AAK1: variants seen among roughly 807,000 people sequenced by gnomAD.
The protein encoded by AAK1 is AP2-associated protein kinase 1.
A neutral mutation model predicts 116.0 loss-of-function variants in AAK1; 37 were observed. The observed-to-expected ratio is 0.32, with a 90% CI of 0.25 to 0.42. AAK1 has a LOEUF of 0.42. Among genes scored for constraint, AAK1 ranks in the 10% least tolerant of loss-of-function variants. AAK1 has a pLI of 1.00. For synonymous variants in AAK1, 458 were observed against 439.9 expected, an observed-to-expected ratio of 1.04 and a Z score of -0.51; for missense variants, 919 against 1,170.6, an observed-to-expected ratio of 0.79 and a Z score of 3.14.
rs75381654 is a variant in AAK1, at chr2:69,519,187, C to T, written c.1264G>A (p.Ala422Thr). ...LASVPQPKPQAPPSQPLPQTQ... is the reference protein window; with the variant it reads ...LASVPQPKPQTPPSQPLPQTQ... ...TGCGGCAGAGGCTGGCTGGGTGGGG[C>T]TTGGGGTTTTGGTTGGGGAACACTG... is the stretch of plus-strand genomic sequence containing the variant. The change falls in exon 12 of 22, where the codon GCC becomes ACC. Residue 422 changes from alanine (A) to threonine (T), a missense_variant. Ala to Thr is a moderately conservative substitution (Grantham distance 58). Transcript: ENST00000409085. The T allele has an allele frequency of 1.9e-6, 3 of 1,587,976 alleles. No homozygotes were observed. In the South Asian group the frequency reaches 3.5e-5, roughly 18 times the overall value.
At chr2:69,635,302 G>A (rs184621961) in intron 2 of AAK1, among the ~76,000 whole-genome samples, 21 of 152,304 alleles carry the variant, frequency 1.4e-4, no homozygotes, top group East Asian at 5.8e-4. Context: ...AACAAGTGTC[G>A]GTGAGAATGA....
intron 2 of AAK1, among the ~76,000 whole-genome samples, chr2:69,609,428 T>A (rs1673961186): frequency 6.6e-6 from 1 of 151,280 alleles, no homozygotes; most frequent in Non-Finnish European, 1.5e-5. Context: ...AGGCCTGTAA[T>A]CCCAGCATTT....
Position 69,471,114 on chromosome 2 carries a change from C to T in AAK1, c.*4755G>A. The T allele has an allele frequency of 2.0e-6, 2 of 985,754 alleles. No individual in the cohort carries two copies. The highest frequency in any genetic ancestry group is 1.2e-6 in the Non-Finnish European group (1 of 829,938). 61.1% of individuals were successfully genotyped at this position (985,754 alleles called of 1,614,324 possible). ...TTAAAGACCTATGATAAACACACAT[C>T]CACATGACAAAGGAGAGTGCAATAG... On this transcript the variant is annotated 3_prime_UTR_variant, in exon 22 of 22. Transcript: ENST00000409085.
chr2:69,574,714 T>C (rs1672231901), intron 2 of AAK1, among the ~76,000 whole-genome samples: 1 of 152,168 alleles, frequency 6.6e-6, no homozygotes, highest in African/African-American at 2.4e-5. Flanking sequence ...CTCATGCCCA[T>C]AATCCCAGTA....
chr2:69,471,559 A>T lies in AAK1; in HGVS notation c.*4310T>A. The T allele has an allele frequency of 1.0e-6, 1 of 985,436 alleles. No homozygotes were observed. Among genetic ancestry groups the T allele is most frequent in the Non-Finnish European group, 1.2e-6 (1 of 829,936 alleles). The allele number at this position is 985,436 out of a possible 1,614,324, so 61.0% of individuals were successfully genotyped here. On this transcript the variant is annotated 3_prime_UTR_variant, in exon 22 of 22. Transcript: ENST00000409085. Reference sequence around the variant, plus strand: ...TGCCAGGCAGCCTCTAATTTGCTTAACCCGGCACACTGGGCAATCCTGTCA... The same window carrying T: ...TGCCAGGCAGCCTCTAATTTGCTTATCCCGGCACACTGGGCAATCCTGTCA...
chr2:69,482,864 A>C (rs746831931), intron 17 of AAK1, 52 bp from the exon 18 acceptor site: 3 of 1,126,986 alleles, frequency 2.7e-6, no homozygotes, highest in African/African-American at 1.5e-5. Context: ...AAGATATTAA[A>C]GCCAGCGGAT....
intron 3 of AAK1, 51 bp downstream of exon 3, chr2:69,556,809 A>C (rs1196773553): frequency 7.0e-7 from 1 of 1,424,604 alleles, no homozygotes; most frequent in African/African-American, 1.4e-5. Flanking sequence ...ATGAGAGGGT[A>C]CAATCTCTGC....
intron 2 of AAK1, among the ~76,000 whole-genome samples, chr2:69,629,548 T>G (rs372838309): frequency 1.3e-5 from 2 of 152,338 alleles, no homozygotes; most frequent in South Asian, 2.1e-4. Context: ...TTACTGAAAC[T>G]CTATAAGATT....
intron 18 of AAK1, 44 bp from the exon 19 acceptor site, chr2:69,481,005 G>A (rs1334068263): frequency 1.4e-6 from 2 of 1,435,356 alleles, no homozygotes; most frequent in South Asian, 2.6e-5. Context: ...TAAGGGAAAG[G>A]GAGTCAGAAG....
In AAK1 at chr2:69,468,653, A is replaced by C. The variant is rs1674571168; in HGVS notation, c.*7216T>G. On this transcript the variant is annotated 3_prime_UTR_variant, in exon 22 of 22. Transcript: ENST00000409085. The stretch of plus-strand genomic sequence containing the variant: ...AGAGTCAGTGTTTTTTGGAAATTTA[A>C]ACTGAATTCAGTTAAAACAATTTGT... 5.1e-6 allele frequency: 5 copies of C among 985,474 alleles called. No homozygotes were observed. Among genetic ancestry groups the C allele is most frequent in the Non-Finnish European group, 6.0e-6 (5 of 829,944 alleles). The allele number at this position is 985,474 out of a possible 1,614,324, so 61.0% of individuals were successfully genotyped here. A position where few individuals can be genotyped will look rare whatever the true frequency, so the allele number is the denominator to read the frequency against.
intron 17 of AAK1, among the ~76,000 whole-genome samples, chr2:69,494,071 C>A (rs1342533586): frequency 6.6e-6 from 1 of 152,174 alleles, no homozygotes; most frequent in Non-Finnish European, 1.5e-5. Flanking sequence ...ATGTTTTCAA[C>A]AGATGAGTCT....
At chr2:69,551,914 T>G (rs921476917) in intron 3 of AAK1, among the ~76,000 whole-genome samples, 11 of 152,262 alleles carry the variant, frequency 7.2e-5, no homozygotes, top group African/African-American at 2.4e-4. Flanking sequence ...TCTTTGCGTT[T>G]GGATGCAACG....
chr2:69,574,349 G>C (rs1220969322), intron 2 of AAK1, among the ~76,000 whole-genome samples: 1 of 126,236 alleles, frequency 7.9e-6, no homozygotes, highest in Non-Finnish European at 1.6e-5. Context: ...CTGCACTTCA[G>C]ACTAGGTGAC....
At position 69,482,642 on chromosome 2, in the gene AAK1, G is replaced by C. The variant is rs10211601; in HGVS notation, c.2467+69C>G. On this transcript the variant is annotated intron_variant, in intron 18 of 21. Transcript: ENST00000409085. ...CTATTCCCCAGGGATTGGTTAACTAGGTACTTGTCATTCTTGAAACAGGCA... is the reference window on the plus strand; with the variant it reads ...CTATTCCCCAGGGATTGGTTAACTACGTACTTGTCATTCTTGAAACAGGCA... 2.4e-3 allele frequency: 3,056 copies of C among 1,295,550 alleles called. 69 individuals carry two copies. In the African/African-American group the frequency reaches 0.04, roughly 17 times the overall value. 80.3% of individuals were successfully genotyped at this position (1,295,550 alleles called of 1,614,324 possible). A position where few individuals can be genotyped will look rare whatever the true frequency, so the allele number is the denominator to read the frequency against.
chr2:69,586,013 GCTCCCTGCC>G (rs1672748758), intron 2 of AAK1, among the ~76,000 whole-genome samples: 2 of 152,086 alleles, frequency 1.3e-5, no homozygotes, highest in Admixed American at 1.3e-4. Context: ...GGTGCGGAGT[GCTCCCTGCC>G]CTCCGCACGT....
At chr2:69,641,461 G>A (rs1675720885) in intron 2 of AAK1, among the ~76,000 whole-genome samples, 1 of 152,204 alleles carries the variant, frequency 6.6e-6, no homozygotes, top group African/African-American at 2.4e-5. Flanking sequence ...GATCCAAGGG[G>A]ACAGTGACTC....
In AAK1 at chr2:69,593,003, A is replaced by G. The variant is rs547233702; in HGVS notation, c.164-36025T>C. On this transcript the variant is annotated intron_variant, in intron 2 of 21. Coordinates refer to ENST00000409085, the MANE Select transcript of AAK1 (RefSeq NM_014911.5). ...TAAAATGCATTTTCTCATTGACTTTAGTTTCCACTGCTGCTTGCATTTTTA... is the reference window on the plus strand; with the variant it reads ...TAAAATGCATTTTCTCATTGACTTTGGTTTCCACTGCTGCTTGCATTTTTA... Among the ~76,000 whole-genome samples the G allele has an allele frequency of 3.2e-4, 49 of 152,332 alleles. 1 individual carries two copies. The highest frequency in any genetic ancestry group is 6.8e-3 in the Middle Eastern group (2 of 294).
At chr2:69,487,241 T>C (rs754712062) in intron 17 of AAK1, among the ~76,000 whole-genome samples, 1 of 152,224 alleles carries the variant, frequency 6.6e-6, no homozygotes, top group Non-Finnish European at 1.5e-5. Context: ...AGAAAGGCTA[T>C]AGGATGCTGA....
At chr2:69,529,517 T>A (rs1015822466) in intron 8 of AAK1, among the ~76,000 whole-genome samples, 1 of 152,346 alleles carries the variant, frequency 6.6e-6, no homozygotes, top group South Asian at 2.1e-4. Flanking sequence ...TAAGAAAGCA[T>A]TGAGTTTAGA....
Sources: gnomAD v4.1 joint callset for allele counts (sites outside exome capture counted in the v4.1 genomes callset) on GRCh38, gnomAD v4.1.1 for gene constraint, MANE v1.5 for transcripts, NCBI Gene and HGNC (gene_info 2026-07-23, HGNC 2026-07-21) for gene names.